Variants in HLA-DQB1 observed in about 807,000 individuals in gnomAD.
HLA-DQB1 encodes the protein HLA class II histocompatibility antigen, DQ beta 1 chain.
In HLA-DQB1, 13 loss-of-function variants were observed where a neutral mutation model predicts 26.4. The observed-to-expected ratio is 0.49, with a 90% confidence interval of 0.32 to 0.78. The LOEUF (loss-of-function observed/expected upper bound fraction) is 0.78. Among genes scored for constraint, HLA-DQB1 ranks in the 30% least tolerant of loss-of-function variants. The probability of loss-of-function intolerance (pLI) is 0.03; values close to 1 mark genes in which losing one functional copy is unlikely to be tolerated. For synonymous variants in HLA-DQB1, 60 were observed against 129.1 expected (o/e 0.46, Z 3.63); for missense variants, 158 against 326.2 (o/e 0.48, Z 3.97).
intron 1 of HLA-DQB1, among the ~76,000 whole-genome samples, chr6:32,665,491 G>T (rs9274445): frequency 0.21 from 27,784 of 129,938 alleles, 4,689 homozygotes; most frequent in South Asian, 0.25. Context: ...CAGGAATTAA[G>T]CCTGGCCTCG....
At chr6:32,661,245 T>C (rs281864337) in intron 4 of HLA-DQB1, 102 bp downstream of exon 4, 298,923 of 527,594 alleles carry the variant, frequency 0.57, 101,789 homozygotes, top group South Asian at 0.62. Flanking sequence ...CTCGCACTTC[T>C]TCTCAGGGTC....
intron 2 of HLA-DQB1, chr6:32,662,986 A>C (rs1783321775): frequency 7.2e-6 from 1 of 138,626 alleles, no homozygotes. Context: ...GGCCTGGGCT[A>C]ATGAGCCTGT....
At chr6:32,663,718 T>A (rs9274261) in intron 2 of HLA-DQB1, 29,573 of 148,562 alleles carry the variant, frequency 0.2, 3,212 homozygotes, top group South Asian at 0.39. Flanking sequence ...AATAAGTGCT[T>A]CCTGAATGGG....
intron 2 of HLA-DQB1, chr6:32,663,193 C>CAT (rs1783362316): frequency 1.6e-5 from 2 of 128,310 alleles, no homozygotes; most frequent in Admixed American, 8.6e-5. Flanking sequence ...TCATCTTCAA[C>CAT]AGACTGGGAG....
At chr6:32,663,456 T>G (rs981180537) in intron 2 of HLA-DQB1, 1 of 75,794 alleles carries the variant, frequency 1.3e-5, no homozygotes, top group African/African-American at 4.3e-5. Flanking sequence ...TCATTGCTGC[T>G]TCTGGTCAAA....
chr6:32,665,840 G>GTC (rs1784035446), intron 1 of HLA-DQB1, among the ~76,000 whole-genome samples: 1 of 119,118 alleles, frequency 8.4e-6, no homozygotes, highest in South Asian at 3.1e-4. Flanking sequence ...TCTGTCTGAA[G>GTC]TGAGTGGTTT....
chr6:32,660,382 C>G (rs9273488), intron 4 of HLA-DQB1, 133 bp from the exon 5 acceptor site: 24,154 of 426,256 alleles, frequency 0.057, 2,021 homozygotes, highest in Admixed American at 0.14. Context: ...ATCACCTCCC[C>G]CAAGATCTGT....
In HLA-DQB1 at chr6:32,666,527, G is replaced by GAA. The variant is rs778891121; in HGVS notation, c.80_81insTT (p.Leu28SerfsTer33). On this transcript the variant is annotated frameshift_variant, in exon 1 of 5. Transcript: ENST00000434651. LOFTEE classifies it high-confidence loss of function. ...GAGAGTCTCTGCCCTCAGCCAGTAG[G>GAA]GAGCTCAGCATCGCCAGCATCAAGG... 8.7e-4 allele frequency: 1,010 copies of GAA among 1,158,982 alleles called. 98 individuals are homozygous for GAA. The East Asian group carries it at 8.8e-3, about 10-fold the overall frequency. The allele number at this position is 1,158,982 out of a possible 1,614,324, so 71.8% of individuals were successfully genotyped here.
chr6:32,665,114 C>CGGCTGCG, intron 1 of HLA-DQB1, 47 bp from the exon 2 acceptor site: 3 of 954,904 alleles, frequency 3.1e-6, no homozygotes, highest in Non-Finnish European at 4.2e-6. Flanking sequence ...CCCGGCCGCC[C>CGGCTGCG]CCGCAGCCGC....
rs1782921879 is a variant in HLA-DQB1 at position 32,660,957 on chromosome 6, C to T, written c.772+390G>A. On this transcript the variant is annotated intron_variant, in intron 4 of 4. Transcript: ENST00000434651. Reference sequence around the variant, plus strand: ...TCTCTCACCCCAAAGGAAAATGACACACATGACTTAGAGTTACATTCTCTT... The same window carrying T: ...TCTCTCACCCCAAAGGAAAATGACATACATGACTTAGAGTTACATTCTCTT... 1.1e-4 allele frequency: 89 copies of T among 830,796 alleles called. 2 individuals carry two copies. In the South Asian group the frequency reaches 1.1e-3, roughly 10 times the overall value. The allele number at this position is 830,796 out of a possible 1,614,324, so 51.5% of individuals were successfully genotyped here.
chr6:32,663,404 T>TTTGATTGATTAATCATAAA (rs1783404372), intron 2 of HLA-DQB1: 5 of 54,876 alleles, frequency 9.1e-5, no homozygotes, highest in African/African-American at 2.6e-4. Context: ...TAATCATGAA[T>TTTGATTGATTAATCATAAA]TTTCAATGCC....
At chr6:32,661,255 C>G (rs73729446) in intron 4 of HLA-DQB1, 92 bp downstream of exon 4, 41,608 of 552,614 alleles carry the variant, frequency 0.075, 8,501 homozygotes, top group Middle Eastern at 0.11. Context: ...TTCTCAGGGT[C>G]AGGAGGAAAG....
intron 4 of HLA-DQB1, chr6:32,660,964 C>CTTAG: frequency 1.2e-6 from 1 of 811,090 alleles, no homozygotes; most frequent in Non-Finnish European, 2.0e-6. Flanking sequence ...ACACACATGA[C>CTTAG]TTAGAGTTAC....
intron 1 of HLA-DQB1, 123 bp downstream of exon 1, chr6:32,666,376 A>T: frequency 2.4e-6 from 1 of 423,604 alleles, no homozygotes; most frequent in Non-Finnish European, 4.1e-6. Context: ...CTTTCCCAAG[A>T]GAGAGGAAAT....
intron 4 of HLA-DQB1, among the ~76,000 whole-genome samples, 164 bp downstream of exon 4, chr6:32,661,183 T>C (rs2515895): frequency 0.24 from 28,171 of 115,466 alleles, 7,820 homozygotes; most frequent in Middle Eastern, 0.38. Context: ...CAGCGCTACC[T>C]TTCAACCAGT....
At chr6:32,665,541 C>A (rs281861641) in intron 1 of HLA-DQB1, among the ~76,000 whole-genome samples, 1 of 128,812 alleles carries the variant, frequency 7.8e-6, no homozygotes, top group Non-Finnish European at 1.7e-5. Flanking sequence ...GGTAAAATAC[C>A]TTCCTTCCCA....
rs41268292 is a variant in HLA-DQB1, at chr6:32,662,663, T to TAAA, written c.380-418_380-416dup. On this transcript the variant is annotated intron_variant, in intron 2 of 4. Transcript: ENST00000434651. ...TATCTTCTCAGATTGCTGCTCATAG[T>TAAA]AAAAAAAATGACACATCTTTCCCCG... 9 of 69,424 alleles carry TAAA rather than the reference T, an allele frequency of 1.3e-4. No homozygotes were observed. In the South Asian group the frequency reaches 3.9e-3, roughly 30 times the overall value. 4.3% of individuals were successfully genotyped at this position (69,424 alleles called of 1,614,324 possible).
chr6:32,665,612 C>G (rs281861571), intron 1 of HLA-DQB1, among the ~76,000 whole-genome samples: 1 of 66,792 alleles, frequency 1.5e-5, no homozygotes, highest in East Asian at 3.6e-4. Context: ...TGGAAAGGAC[C>G]TACACCTCTG....
chr6:32,660,311 C>G (rs113332494), intron 4 of HLA-DQB1, 62 bp from the exon 5 acceptor site: 23,051 of 868,774 alleles, frequency 0.027, 5,196 homozygotes, highest in East Asian at 0.079. Flanking sequence ...CCATCTCCCC[C>G]ACCCTTCAGG....
Sources: allele counts gnomAD v4.1 joint callset (sites outside exome capture counted in the v4.1 genomes callset), GRCh38; gene constraint gnomAD v4.1.1; transcripts MANE v1.5; gene names NCBI Gene and HGNC (gene_info 2026-07-23, HGNC 2026-07-21).